Variants in KIAA0513 observed in about 807,000 individuals in gnomAD.
KIAA0513 encodes the protein uncharacterized protein KIAA0513.
A neutral mutation model predicts 56.5 loss-of-function variants in KIAA0513; 39 were observed. That is an observed-to-expected ratio of 0.69 (90% CI 0.53 to 0.90). The LOEUF is 0.90. Ranked by LOEUF, KIAA0513 falls within the 40% of genes least tolerant of loss-of-function variation. KIAA0513 has a pLI of 0.00. For synonymous variants in KIAA0513, 268 were observed against 215.6 expected, an observed-to-expected ratio of 1.24 and a Z score of -2.13; for missense variants, 591 against 535.2, an observed-to-expected ratio of 1.10 and a Z score of -1.03.
Position 85,067,213 on chromosome 16 carries a change from A to G in KIAA0513, c.142A>G (p.Thr48Ala). Residue 48 changes from threonine to alanine, a missense_variant, in exon 2 of 13, where the codon ACT becomes GCT. Transcript: ENST00000683363. ...GGACGGTGCATCAGAGAGTGAGACC[A>G]CTGAGTCTGCGGACAGTGAGAATGA... ...LGDGASESETTESADSENDMG... is the reference protein window; with the variant it reads ...LGDGASESETAESADSENDMG... 6.2e-7 allele frequency: 1 copy of G among 1,614,152 alleles called. No individual in the cohort carries two copies. The highest frequency in any genetic ancestry group is 8.5e-7 in the Non-Finnish European group (1 of 1,180,000).
intron 10 of KIAA0513, among the ~76,000 whole-genome samples, chr16:85,083,168 G>A (rs906823428): frequency 4.6e-5 from 7 of 152,210 alleles, no homozygotes; most frequent in African/African-American, 9.7e-5. Context: ...CTCGGATGGG[G>A]GTGCGAGGGG....
At chr16:85,082,171 C>T (rs902465470) in intron 9 of KIAA0513, among the ~76,000 whole-genome samples, 3 of 152,210 alleles carry the variant, frequency 2.0e-5, no homozygotes, top group Admixed American at 6.5e-5. Context: ...CAGCACTTGC[C>T]GTGTCTCAAG....
At chr16:85,058,088 C>T (rs1403223869) in intron 1 of KIAA0513, among the ~76,000 whole-genome samples, 1 of 152,188 alleles carries the variant, frequency 6.6e-6, no homozygotes, top group Non-Finnish European at 1.5e-5. Context: ...CTACAGCACG[C>T]GGATGCTATT....
Position 85,067,414 on chromosome 16 carries a change from G to A in KIAA0513, c.329+14G>A. ...CTTCTCTGGAGGGTAAGGGGCCTGT[G>A]TGGACGAGACAGCCTGGTGTGGCCA... On this transcript the variant is annotated intron_variant, in intron 2 of 12. Coordinates refer to ENST00000683363, the MANE Select transcript of KIAA0513 (RefSeq NM_001388359.1). 1.9e-6 allele frequency: 3 copies of A among 1,582,902 alleles called. No individual in the cohort carries two copies. Among genetic ancestry groups the A allele is most frequent in the Non-Finnish European group, 2.6e-6 (3 of 1,169,422 alleles).
At position 85,093,936 on chromosome 16, in the gene KIAA0513, C is replaced by T. The variant is rs2073896541; in HGVS notation, c.*5611C>T. On this transcript the variant is annotated 3_prime_UTR_variant, in exon 13 of 13. Coordinates refer to ENST00000683363, the MANE Select transcript of KIAA0513 (RefSeq NM_001388359.1). Reference sequence around the variant, plus strand: ...ATCAGTGGCGTCTCCCATGCACACGCCCTCTGCTTTCTCTTTCCTAGACTC... The same window carrying T: ...ATCAGTGGCGTCTCCCATGCACACGTCCTCTGCTTTCTCTTTCCTAGACTC... The T allele has an allele frequency of 6.6e-6, 1 of 152,244 alleles. No individual in the cohort carries two copies. 9.4% of individuals were successfully genotyped at this position (152,244 alleles called of 1,614,324 possible).
chr16:85,073,040 C>A, intron 4 of KIAA0513, 42 bp downstream of exon 4: 1 of 1,518,502 alleles, frequency 6.6e-7, no homozygotes, highest in Non-Finnish European at 9.1e-7. Context: ...CTGGCAAGCT[C>A]CTCTTCCCTC....
Position 85,088,753 on chromosome 16 carries a change from G to A in KIAA0513, c.*428G>A, listed in dbSNP as rs926040961. Reference sequence around the variant, plus strand: ...GTGGAGGGCCGGCGCTGCCACTCACGGTGGGTGGCCGTGGGCCACCTTCCC... The same window carrying A: ...GTGGAGGGCCGGCGCTGCCACTCACAGTGGGTGGCCGTGGGCCACCTTCCC... On this transcript the variant is annotated 3_prime_UTR_variant, in exon 13 of 13. Transcript: ENST00000683363. 3.4e-5 allele frequency: 6 copies of A among 175,186 alleles called. No homozygotes were observed. The highest frequency in any genetic ancestry group is 1.8e-4 in the Admixed American group (3 of 16,858). 10.9% of individuals were successfully genotyped at this position (175,186 alleles called of 1,614,324 possible). A position where few individuals can be genotyped will look rare whatever the true frequency, so the allele number is the denominator to read the frequency against.
Position 85,093,607 on chromosome 16 carries a change from AGGT to A in KIAA0513, c.*5285_*5287del, listed in dbSNP as rs2144135650. On this transcript the variant is annotated 3_prime_UTR_variant, in exon 13 of 13. Transcript: ENST00000683363. The stretch of plus-strand genomic sequence containing the variant: ...CCTAGATGATTTGCTCATGAAATAG[AGGT>A]GGGGGACGACCGCATGCACTCTGGG... 1 of 152,570 alleles carries A rather than the reference AGGT, an allele frequency of 6.6e-6. No homozygotes were observed. The highest frequency in any genetic ancestry group is 1.9e-4 in the East Asian group (1 of 5,180). 9.5% of individuals were successfully genotyped at this position (152,570 alleles called of 1,614,324 possible). A position where few individuals can be genotyped will look rare whatever the true frequency, so the allele number is the denominator to read the frequency against.
chr16:85,085,974 C>T (rs766976264), intron 10 of KIAA0513, among the ~76,000 whole-genome samples: 8 of 152,176 alleles, frequency 5.3e-5, no homozygotes, highest in Non-Finnish European at 1.2e-4. Context: ...GCGTGGGGGC[C>T]TGGTCTGTGT....
intron 1 of KIAA0513, among the ~76,000 whole-genome samples, chr16:85,065,529 G>C (rs1026201893): frequency 2.0e-5 from 3 of 152,200 alleles, no homozygotes; most frequent in Non-Finnish European, 4.4e-5. Context: ...TTCTGACTCA[G>C]GGTATTTAAA....
intron 1 of KIAA0513, among the ~76,000 whole-genome samples, chr16:85,057,873 T>A (rs2143960122): frequency 6.6e-6 from 1 of 152,130 alleles, no homozygotes; most frequent in Non-Finnish European, 1.5e-5. Context: ...TGGGACCTGG[T>A]GTGTCTGCAC....
chr16:85,079,008 G>A lies in KIAA0513; in HGVS notation c.902+5G>A. On this transcript the variant is annotated splice_donor_5th_base_variant and intron_variant, in intron 8 of 12. Transcript: ENST00000683363. The stretch of plus-strand genomic sequence containing the variant: ...CCTGAAGCAACAGCCCATCTGGTAA[G>A]GCCGAGCCCGCGGCTTCCCGTCACC... 1 of 1,614,178 alleles carries A rather than the reference G, an allele frequency of 6.2e-7. No individual in the cohort carries two copies. The highest frequency in any genetic ancestry group is 8.5e-7 in the Non-Finnish European group (1 of 1,180,028).
At chr16:85,038,802 A>G (rs1371472877) in intron 1 of KIAA0513, among the ~76,000 whole-genome samples, 3 of 151,936 alleles carry the variant, frequency 2.0e-5, no homozygotes, top group Non-Finnish European at 4.4e-5. Context: ...CATGTAATCT[A>G]TATAAAAATC....
intron 1 of KIAA0513, among the ~76,000 whole-genome samples, chr16:85,040,184 GCT>G (rs1159104650): frequency 7.9e-5 from 12 of 152,208 alleles, no homozygotes; most frequent in Non-Finnish European, 1.8e-4. Flanking sequence ...ATTCTTTGAA[GCT>G]ATTGCTTGGA....
intron 1 of KIAA0513, among the ~76,000 whole-genome samples, chr16:85,053,480 T>C (rs1042836944): frequency 1.3e-5 from 2 of 152,072 alleles, no homozygotes; most frequent in African/African-American, 4.8e-5. Flanking sequence ...ATTAATAGGG[T>C]GTAAGGATAG....
chr16:85,050,339 A>ATTTTTTTTTTTT (rs1567527318), intron 1 of KIAA0513, among the ~76,000 whole-genome samples: 1 of 105,272 alleles, frequency 9.5e-6, no homozygotes, highest in African/African-American at 4.9e-5. Flanking sequence ...TTATTTATTT[A>ATTTTTTTTTTTT]TTTATTTATT....
intron 1 of KIAA0513, among the ~76,000 whole-genome samples, chr16:85,036,282 A>G (rs1158848951): frequency 6.6e-6 from 1 of 152,118 alleles, no homozygotes; most frequent in East Asian, 1.9e-4. Flanking sequence ...CTAATTTCAG[A>G]ATGTTTCCAT....
intron 2 of KIAA0513, among the ~76,000 whole-genome samples, chr16:85,068,864 C>T (rs1361316760): frequency 6.6e-6 from 1 of 152,164 alleles, no homozygotes; most frequent in Non-Finnish European, 1.5e-5. Flanking sequence ...ACAAGGGGCA[C>T]TTGTTCTGCT....
intron 1 of KIAA0513, among the ~76,000 whole-genome samples, chr16:85,038,721 A>AAT (rs1555519764): frequency 3.7e-5 from 5 of 135,076 alleles, no homozygotes; most frequent in African/African-American, 3.0e-5. Context: ...AAAAAAAAAA[A>AAT]AATAATAATA....
Sources: allele counts gnomAD v4.1 joint callset (sites outside exome capture counted in the v4.1 genomes callset), GRCh38; gene constraint gnomAD v4.1.1; transcripts MANE v1.5; gene names NCBI Gene and HGNC (gene_info 2026-07-23, HGNC 2026-07-21).